The following GRIP1 variants were observed in gnomAD, a reference collection of about 807,000 sequenced individuals.
GRIP1 encodes the protein glutamate receptor interacting protein 1.
GRIP1 carries 45 observed loss-of-function variants against 129.9 expected under a neutral mutation model. The observed-to-expected ratio is 0.35, with a 90% confidence interval of 0.27 to 0.44. The LOEUF is 0.44. Ranked by LOEUF, GRIP1 falls within the 20% of genes least tolerant of loss-of-function variation. The pLI is 1.00. For missense variants in GRIP1, 1,196 were observed against 1,396.8 expected (o/e 0.86, Z 2.29); for synonymous variants, 530 against 520.8 (o/e 1.02, Z -0.24).
At chr12:67,056,322 C>CT (rs1391922801) in intron 1 of GRIP1, among the ~76,000 whole-genome samples, 1 of 152,158 alleles carries the variant, frequency 6.6e-6, no homozygotes, top group African/African-American at 2.4e-5. Context: ...AAAACTGGGG[C>CT]TTAAAATCAT....
chr12:67,053,610 C>T (rs935475229), intron 1 of GRIP1, among the ~76,000 whole-genome samples: 2 of 151,970 alleles, frequency 1.3e-5, no homozygotes, highest in African/African-American at 2.4e-5. Flanking sequence ...GAGGCTGAGG[C>T]GGGTATATCA....
rs151174493 is a variant in GRIP1 at position 66,673,179 on chromosome 12, T to G, written c.55+5671A>C. Among the ~76,000 whole-genome samples, 508 of 152,322 alleles carry G rather than the reference T, an allele frequency of 3.3e-3. 5 individuals are homozygous for G. Among genetic ancestry groups the G allele is most frequent in the South Asian group, 0.014 (69 of 4,826 alleles). ...CACTTGTGATCTTAGGAATGATTCT[T>G]AACTTCTCTGAACCTCTTCTTTTTC... is the stretch of plus-strand genomic sequence containing the variant. On this transcript the variant is annotated intron_variant, in intron 1 of 24. Coordinates refer to ENST00000359742, the MANE Select transcript of GRIP1 (RefSeq NM_001366722.1).
chr12:66,903,194 TTAGA>T (rs1258174881), intron 1 of GRIP1, among the ~76,000 whole-genome samples: 2 of 152,154 alleles, frequency 1.3e-5, no homozygotes, highest in Non-Finnish European at 2.9e-5. Context: ...TTAAAAAAAT[TTAGA>T]GCACTACACC....
At chr12:66,472,714 C>T (rs1460102377) in intron 7 of GRIP1, among the ~76,000 whole-genome samples, 1 of 152,154 alleles carries the variant, frequency 6.6e-6, no homozygotes, top group Admixed American at 6.5e-5. Context: ...ACCCAGGAAG[C>T]ACAAGGGGTT....
rs138543589 is a variant in GRIP1 at position 66,624,140 on chromosome 12, T to C, written c.56-27213A>G. On this transcript the variant is annotated intron_variant, in intron 1 of 24. Transcript: ENST00000359742. ...ACCTAAACAGATTTCTACAATAAGA[T>C]AGAAGTTAAACATTCCTCTGATTTT... is the stretch of plus-strand genomic sequence containing the variant. Among the ~76,000 whole-genome samples the C allele has an allele frequency of 3.1e-3, 476 of 152,288 alleles. 3 individuals carry two copies. Among genetic ancestry groups the C allele is most frequent in the African/African-American group, 0.011 (456 of 41,572 alleles).
intron 1 of GRIP1, among the ~76,000 whole-genome samples, chr12:66,799,284 T>C (rs1273315320): frequency 1.3e-5 from 2 of 152,142 alleles, no homozygotes; most frequent in South Asian, 2.1e-4. Flanking sequence ...ATACTATAGA[T>C]GGAAAGCAAT....
At chr12:66,461,982 C>G (rs2059149948) in intron 9 of GRIP1, among the ~76,000 whole-genome samples, 1 of 152,216 alleles carries the variant, frequency 6.6e-6, no homozygotes. Context: ...AAATATCCTA[C>G]TGGAAAACTT....
chr12:66,452,939 A>G (rs978859909), intron 11 of GRIP1, among the ~76,000 whole-genome samples: 3 of 152,120 alleles, frequency 2.0e-5, no homozygotes, highest in African/African-American at 7.2e-5. Context: ...AGCATTTTGG[A>G]ATTTATGGTT....
intron 13 of GRIP1, among the ~76,000 whole-genome samples, chr12:66,440,154 T>C (rs1397913185): frequency 6.6e-6 from 1 of 152,212 alleles, no homozygotes; most frequent in Non-Finnish European, 1.5e-5. Flanking sequence ...TCCTTTTCTT[T>C]TCTTTTTTAA....
At chr12:66,668,467 C>A (rs752905813) in intron 1 of GRIP1, among the ~76,000 whole-genome samples, 10 of 152,226 alleles carry the variant, frequency 6.6e-5, no homozygotes, top group Non-Finnish European at 1.0e-4. Context: ...GTCCTTCAGC[C>A]TCCAGCTGCC....
chr12:66,976,602 C>A (rs1215631739), intron 1 of GRIP1, among the ~76,000 whole-genome samples: 1 of 152,100 alleles, frequency 6.6e-6, no homozygotes, highest in African/African-American at 2.4e-5. Flanking sequence ...TGGCAAAGAA[C>A]AAAAGTATTT....
intron 1 of GRIP1, among the ~76,000 whole-genome samples, chr12:66,925,509 A>G (rs1024473762): frequency 1.3e-5 from 2 of 152,196 alleles, no homozygotes; most frequent in African/African-American, 4.8e-5. Context: ...GGAATTTCTT[A>G]CCATATCTTG....
intron 1 of GRIP1, among the ~76,000 whole-genome samples, chr12:66,617,028 G>C (rs1361126588): frequency 6.6e-6 from 1 of 151,064 alleles, no homozygotes; most frequent in Non-Finnish European, 1.5e-5. Context: ...ACAGGAGAAA[G>C]GAAACAAAGG....
At chr12:66,766,694 G>C (rs1055574620) in intron 1 of GRIP1, among the ~76,000 whole-genome samples, 1 of 152,028 alleles carries the variant, frequency 6.6e-6, no homozygotes, top group African/African-American at 2.4e-5. Context: ...CTCACGTTAC[G>C]AGCAAAACCT....
intron 7 of GRIP1, among the ~76,000 whole-genome samples, chr12:66,486,530 A>G (rs1292284906): frequency 6.6e-6 from 1 of 152,172 alleles, no homozygotes; most frequent in Admixed American, 6.5e-5. Context: ...ATGGTAATGA[A>G]TAAGTCTCAT....
chr12:66,648,717 G>A (rs892967194), intron 1 of GRIP1, among the ~76,000 whole-genome samples: 11 of 152,182 alleles, frequency 7.2e-5, no homozygotes, highest in African/African-American at 2.2e-4. Flanking sequence ...ATGCATGTTA[G>A]TAATATTTTT....
chr12:66,730,715 A>C (rs1457813670), intron 1 of GRIP1, among the ~76,000 whole-genome samples: 1 of 151,704 alleles, frequency 6.6e-6, no homozygotes, highest in Non-Finnish European at 1.5e-5. Context: ...AAAAAAAAAA[A>C]AAAAAACTCA....
chr12:66,359,046 C>A (rs766627728), intron 23 of GRIP1, among the ~76,000 whole-genome samples: 1 of 152,112 alleles, frequency 6.6e-6, no homozygotes, highest in East Asian at 1.9e-4. Context: ...GGGCAGGGAC[C>A]GTCGCCACCA....
chr12:66,589,088 G>A (rs1197737408), intron 2 of GRIP1, among the ~76,000 whole-genome samples: 1 of 152,040 alleles, frequency 6.6e-6, no homozygotes, highest in Non-Finnish European at 1.5e-5. Context: ...TGATGTTTCT[G>A]AGGAAGAAAT....
Sources: allele counts gnomAD v4.1 joint callset (sites outside exome capture counted in the v4.1 genomes callset), GRCh38; gene constraint gnomAD v4.1.1; transcripts MANE v1.5; gene names NCBI Gene and HGNC (gene_info 2026-07-23, HGNC 2026-07-21).